DIAPH3: variants seen among roughly 807,000 people sequenced by gnomAD.
DIAPH3 encodes diaphanous related formin 3.
In DIAPH3, 117 loss-of-function variants were observed where a neutral mutation model predicts 144.3. The observed-to-expected ratio is 0.81, with a 90% CI of 0.70 to 0.95. The LOEUF is 0.95. Among genes scored for constraint, DIAPH3 ranks in the 40% least tolerant of loss-of-function variants. The probability of loss-of-function intolerance (pLI) is 0.00; values close to 1 mark genes in which losing one functional copy is unlikely to be tolerated. For synonymous variants in DIAPH3, 519 were observed against 488.9 expected, an observed-to-expected ratio of 1.06 and a Z score of -0.81; for missense variants, 1,421 against 1,412.7, an observed-to-expected ratio of 1.01 and a Z score of -0.09.
chr13:59,911,585 C>A (rs1358855004), intron 20 of DIAPH3, 150 bp downstream of exon 20: 5 of 654,770 alleles, frequency 7.6e-6, no homozygotes, highest in Non-Finnish European at 1.4e-5. Context: ...GGTAATTTCA[C>A]ATGAATATCC....
chr13:59,787,093 C>T (rs1396594207), intron 25 of DIAPH3, among the ~76,000 whole-genome samples: 2 of 152,144 alleles, frequency 1.3e-5, no homozygotes, highest in Middle Eastern at 3.4e-3. Flanking sequence ...AAAGTGAGAC[C>T]TTGTCTCAAT....
At chr13:60,100,711 G>A (rs892518432) in intron 3 of DIAPH3, among the ~76,000 whole-genome samples, 2 of 150,974 alleles carry the variant, frequency 1.3e-5, no homozygotes, top group African/African-American at 4.9e-5. Flanking sequence ...AGACTAAATT[G>A]AAATATTTTA....
In DIAPH3 at chr13:59,810,794, T is replaced by G. The variant is rs1283662770; in HGVS notation, c.3157A>C (p.Lys1053Gln). 6.2e-7 allele frequency: 1 copy of G among 1,613,352 alleles called. No homozygotes were observed. The highest frequency in any genetic ancestry group is 1.7e-5 in the Admixed American group (1 of 60,014). Residue 1053 changes from lysine to glutamine, a missense_variant, in exon 25 of 28, where the codon AAG becomes CAG. Lys to Gln is a moderately conservative substitution (Grantham distance 53). Transcript: ENST00000400324. The part of the protein sequence containing the change: ...QQKKKRLLEM[K>Q]TEGDETGVMD... ...CAAATTTGATAGTACTCACCAGTCT[T>G]CATTTCTAATAAACGCTTTTTCTTT...
At chr13:60,000,263 C>T (rs1219344778) in intron 9 of DIAPH3, among the ~76,000 whole-genome samples, 1 of 152,106 alleles carries the variant, frequency 6.6e-6, no homozygotes, top group African/African-American at 2.4e-5. Flanking sequence ...CCATCAATCA[C>T]CCCTGTCCAG....
intron 24 of DIAPH3, among the ~76,000 whole-genome samples, chr13:59,825,862 C>T (rs1172159367): frequency 6.6e-6 from 1 of 152,054 alleles, no homozygotes; most frequent in Non-Finnish European, 1.5e-5. Flanking sequence ...TCATATCCTT[C>T]AAGGCTGGTT....
At chr13:59,767,010 G>A (rs2037894010) in intron 27 of DIAPH3, among the ~76,000 whole-genome samples, 1 of 152,048 alleles carries the variant, frequency 6.6e-6, no homozygotes, top group South Asian at 2.1e-4. Context: ...TTTGTCACTG[G>A]TGGCTCCTAG....
At chr13:59,948,450 T>TTTG (rs942154041) in intron 17 of DIAPH3, among the ~76,000 whole-genome samples, 17 of 152,198 alleles carry the variant, frequency 1.1e-4, no homozygotes, top group African/African-American at 4.1e-4. Flanking sequence ...ACACTTAGTT[T>TTTG]TTGTTGTTGT....
At chr13:59,950,397 C>T (rs778073532) in intron 17 of DIAPH3, among the ~76,000 whole-genome samples, 4 of 152,086 alleles carry the variant, frequency 2.6e-5, no homozygotes, top group Non-Finnish European at 5.9e-5. Context: ...CTTATTTGTA[C>T]GTTCACTCAT....
chr13:60,163,438 C>T (rs374748224), intron 1 of DIAPH3, 149 bp downstream of exon 1: 4 of 1,142,152 alleles, frequency 3.5e-6, no homozygotes, highest in African/African-American at 1.6e-5. Context: ...CCAACTACAA[C>T]TAGACCCGGT....
At chr13:59,702,293 G>C (rs1487360296) in intron 27 of DIAPH3, among the ~76,000 whole-genome samples, 5 of 152,084 alleles carry the variant, frequency 3.3e-5, no homozygotes, top group Non-Finnish European at 5.9e-5. Context: ...TGAAGACTGA[G>C]CCACTTGTCA....
At chr13:59,729,269 A>G (rs1393376478) in intron 27 of DIAPH3, among the ~76,000 whole-genome samples, 1 of 152,160 alleles carries the variant, frequency 6.6e-6, no homozygotes, top group Non-Finnish European at 1.5e-5. Flanking sequence ...TACTTATGAC[A>G]TTTCCCCTTG....
intron 27 of DIAPH3, among the ~76,000 whole-genome samples, chr13:59,729,808 A>ATTTTTTTTTTTTTTTTTT (rs202135165): frequency 1.7e-5 from 2 of 115,188 alleles, no homozygotes; most frequent in African/African-American, 7.0e-5. Context: ...GAATACATTA[A>ATTTTTTTTTTTTTTTTTT]TATTTTTTTT....
intron 27 of DIAPH3, among the ~76,000 whole-genome samples, chr13:59,706,184 T>G (rs907832255): frequency 6.6e-6 from 1 of 152,210 alleles, no homozygotes; most frequent in African/African-American, 2.4e-5. Flanking sequence ...GTTGTTACAC[T>G]GTATTGTTTA....
intron 3 of DIAPH3, among the ~76,000 whole-genome samples, chr13:60,107,235 T>A (rs1486840690): frequency 2.0e-5 from 3 of 152,036 alleles, no homozygotes; most frequent in Non-Finnish European, 4.4e-5. Flanking sequence ...AAAGGTTTTG[T>A]TCCGTATAAC....
intron 9 of DIAPH3, among the ~76,000 whole-genome samples, chr13:60,007,563 C>T (rs1370285650): frequency 1.3e-5 from 2 of 152,144 alleles, no homozygotes; most frequent in South Asian, 2.1e-4. Flanking sequence ...CTTTGCTGCA[C>T]GTTAGGATCA....
At chr13:59,711,133 G>A (rs2034712069) in intron 27 of DIAPH3, among the ~76,000 whole-genome samples, 1 of 152,158 alleles carries the variant, frequency 6.6e-6, no homozygotes, top group South Asian at 2.1e-4. Context: ...CACTTTGCCA[G>A]TGTTCTTGAA....
chr13:59,970,768 A>G (rs1166110708), intron 16 of DIAPH3, 84 bp downstream of exon 16: 3 of 1,224,168 alleles, frequency 2.5e-6, no homozygotes. Context: ...CATAAATTAA[A>G]TCTCATTAGA....
intron 1 of DIAPH3, among the ~76,000 whole-genome samples, chr13:60,142,476 G>A (rs555646382): frequency 1.3e-5 from 2 of 152,280 alleles, no homozygotes; most frequent in South Asian, 2.1e-4. Context: ...AGAAAAAACA[G>A]TAAGAAAAAC....
intron 21 of DIAPH3, among the ~76,000 whole-genome samples, chr13:59,873,022 T>G (rs1203839106): frequency 1.3e-5 from 2 of 152,194 alleles, no homozygotes; most frequent in Non-Finnish European, 2.9e-5. Context: ...AAAAACGCTA[T>G]TTAGAAAAGC....
Sources: gnomAD v4.1 joint callset for allele counts (sites outside exome capture counted in the v4.1 genomes callset) on GRCh38, gnomAD v4.1.1 for gene constraint, MANE v1.5 for transcripts, NCBI Gene and HGNC (gene_info 2026-07-23, HGNC 2026-07-21) for gene names.